The following CADPS2 variants were observed in gnomAD, a reference collection of about 807,000 sequenced individuals.
CADPS2 encodes the protein calcium dependent secretion activator 2.
CADPS2 carries 93 observed loss-of-function variants against 172.5 expected under a neutral mutation model. That is an observed-to-expected ratio of 0.54 (90% CI 0.46 to 0.64). The LOEUF (loss-of-function observed/expected upper bound fraction) is 0.64. Among genes scored for constraint, CADPS2 ranks in the 30% least tolerant of loss-of-function variants. The pLI is 0.00. For missense variants in CADPS2, 1,420 were observed against 1,565.9 expected (o/e 0.91, Z 1.57); for synonymous variants, 546 against 555.2 (o/e 0.98, Z 0.23).
In CADPS2 at chr7:122,630,377, C is replaced by CAA. The variant is rs11357207; in HGVS notation, c.787-1051_787-1050dup. 2.0e-4 allele frequency among the ~76,000 whole-genome samples: 26 copies of CAA among 128,216 alleles called. 1 individual carries two copies. The highest frequency in any genetic ancestry group is 4.0e-4 in the Admixed American group (5 of 12,510). 84.1% of individuals were successfully genotyped at this position (128,216 alleles called of 152,430 possible). On this transcript the variant is annotated intron_variant, in intron 3 of 29. Transcript: ENST00000449022. ...TGGTAAGGCAATTTATATGAAGAGT[C>CAA]AAAAAAAAAAAAAGAGGAAGATGTT...
chr7:122,837,946 T>C (rs1809068911), intron 1 of CADPS2, among the ~76,000 whole-genome samples: 1 of 152,170 alleles, frequency 6.6e-6, no homozygotes, highest in African/African-American at 2.4e-5. Context: ...AGCATCATCC[T>C]GATACCAAAG....
At chr7:122,492,684 T>A (rs1197007111) in intron 9 of CADPS2, among the ~76,000 whole-genome samples, 2 of 152,178 alleles carry the variant, frequency 1.3e-5, no homozygotes, top group East Asian at 3.9e-4. Context: ...GAAGATAGTT[T>A]GGTTAGTGTA....
intron 3 of CADPS2, among the ~76,000 whole-genome samples, chr7:122,647,866 G>T (rs1276012859): frequency 2.0e-5 from 3 of 152,092 alleles, no homozygotes; most frequent in Admixed American, 6.6e-5. Context: ...TAAAATAAAT[G>T]ATTCAATGTA....
At chr7:122,687,121 C>T (rs1219728605) in intron 2 of CADPS2, among the ~76,000 whole-genome samples, 1 of 152,208 alleles carries the variant, frequency 6.6e-6, no homozygotes, top group Non-Finnish European at 1.5e-5. Flanking sequence ...ATACTTTTTA[C>T]ACAAGGGAGC....
intron 1 of CADPS2, among the ~76,000 whole-genome samples, chr7:122,795,601 A>G (rs1339913387): frequency 6.6e-6 from 1 of 152,192 alleles, no homozygotes; most frequent in Non-Finnish European, 1.5e-5. Context: ...AACAGAACTA[A>G]AGACAAAAAC....
At chr7:122,635,483 C>T (rs879772817) in intron 3 of CADPS2, among the ~76,000 whole-genome samples, 300 of 149,686 alleles carry the variant, frequency 2.0e-3, no homozygotes, top group African/African-American at 6.7e-3. Context: ...CCTGTGTCCA[C>T]GTGTTCTCAT....
At chr7:122,681,724 G>T in intron 2 of CADPS2, 2 of 568,236 alleles carry the variant, frequency 3.5e-6, no homozygotes, top group South Asian at 3.0e-5. Context: ...AATGGAAATT[G>T]TAAAAAAATA....
intron 1 of CADPS2, among the ~76,000 whole-genome samples, chr7:122,750,186 T>C (rs1035128521): frequency 6.6e-6 from 1 of 152,142 alleles, no homozygotes; most frequent in Non-Finnish European, 1.5e-5. Context: ...CAGTATGCCA[T>C]GGCCCTTCTT....
chr7:122,817,391 T>C (rs1801783270), intron 1 of CADPS2, among the ~76,000 whole-genome samples: 1 of 152,136 alleles, frequency 6.6e-6, no homozygotes, highest in Non-Finnish European at 1.5e-5. Context: ...ACTTTCTCCT[T>C]TCCACTCTTC....
At chr7:122,475,496 A>G (rs1194206104) in intron 12 of CADPS2, among the ~76,000 whole-genome samples, 1 of 152,232 alleles carries the variant, frequency 6.6e-6, no homozygotes, top group East Asian at 1.9e-4. Flanking sequence ...TGTAAAACCT[A>G]TGTAGTACAA....
chr7:122,603,048 C>T (rs1420360498), intron 6 of CADPS2, among the ~76,000 whole-genome samples: 3 of 152,016 alleles, frequency 2.0e-5, no homozygotes, highest in Non-Finnish European at 4.4e-5. Flanking sequence ...TACACTTTAG[C>T]ACAGCAGATA....
At chr7:122,518,001 A>AT (rs964891819) in intron 8 of CADPS2, among the ~76,000 whole-genome samples, 3 of 151,576 alleles carry the variant, frequency 2.0e-5, no homozygotes, top group African/African-American at 4.8e-5. Context: ...TGTTGTTATG[A>AT]TTTTTTTTAT....
At chr7:122,814,919 G>C (rs1390600407) in intron 1 of CADPS2, among the ~76,000 whole-genome samples, 2 of 152,046 alleles carry the variant, frequency 1.3e-5, no homozygotes, top group Non-Finnish European at 2.9e-5. Context: ...ACTTCCTTTA[G>C]ACAATTTGGA....
chr7:122,452,443 T>A (rs762377023), intron 14 of CADPS2, among the ~76,000 whole-genome samples: 1 of 152,256 alleles, frequency 6.6e-6, no homozygotes, highest in East Asian at 1.9e-4. Flanking sequence ...TTGCCCAGGC[T>A]GCAGTGCAAT....
chr7:122,554,697 GA>G lies in CADPS2; in HGVS notation c.1336-9del, dbSNP rs139130136. The G allele has an allele frequency of 4.6e-5, 71 of 1,546,778 alleles. No individual in the cohort carries two copies. Among genetic ancestry groups the G allele is most frequent in the South Asian group, 1.9e-4 (16 of 83,372 alleles). ...AGTTGGGTATAATATCACCTGTATGGAAAAAAAAACCCACATTTAAACGCAT... is the reference window on the plus strand; with the variant it reads ...AGTTGGGTATAATATCACCTGTATGGAAAAAAAACCCACATTTAAACGCAT... On this transcript the variant is annotated splice_polypyrimidine_tract_variant and intron_variant, in intron 7 of 29. Coordinates refer to ENST00000449022, the MANE Select transcript of CADPS2 (RefSeq NM_017954.11).
intron 3 of CADPS2, among the ~76,000 whole-genome samples, chr7:122,645,329 A>C (rs1362408831): frequency 1.9e-5 from 2 of 107,948 alleles, no homozygotes; most frequent in African/African-American, 6.5e-5. Context: ...ACATGTACAT[A>C]TATACACACA....
At chr7:122,862,583 T>G (rs2141314429) in intron 1 of CADPS2, among the ~76,000 whole-genome samples, 1 of 152,216 alleles carries the variant, frequency 6.6e-6, no homozygotes, top group Non-Finnish European at 1.5e-5. Context: ...GAGTAAGGGC[T>G]TCCCTCCATA....
chr7:122,736,238 A>G (rs1484280003), intron 2 of CADPS2, among the ~76,000 whole-genome samples: 1 of 152,148 alleles, frequency 6.6e-6, no homozygotes, highest in Non-Finnish European at 1.5e-5. Context: ...TTGTATCTCC[A>G]CATTTTCCCT....
At chr7:122,638,879 A>G (rs565993577) in intron 3 of CADPS2, among the ~76,000 whole-genome samples, 86 of 152,286 alleles carry the variant, frequency 5.6e-4, no homozygotes, top group African/African-American at 2.0e-3. Flanking sequence ...GGTTTCTTAG[A>G]TGATCCACTT....
Sources: gnomAD v4.1 joint callset for allele counts (sites outside exome capture counted in the v4.1 genomes callset) on GRCh38, gnomAD v4.1.1 for gene constraint, MANE v1.5 for transcripts, NCBI Gene and HGNC (gene_info 2026-07-23, HGNC 2026-07-21) for gene names.